IKZF2: variants seen among roughly 807,000 people sequenced by gnomAD.
IKZF2 encodes IKAROS family zinc finger 2, also known as zinc finger protein Helios.
In IKZF2, 15 loss-of-function variants were observed where a neutral mutation model predicts 49.2. The ratio of observed to expected loss-of-function variants is 0.30; its 90% CI spans 0.20 to 0.47. The LOEUF (loss-of-function observed/expected upper bound fraction) is 0.47. IKZF2 is among the 20% of genes least tolerant of loss of function. The pLI, the probability that IKZF2 is intolerant of heterozygous loss-of-function variation, is 1.00. For synonymous variants in IKZF2, 227 were observed against 221.4 expected (o/e 1.03, Z -0.23); for missense variants, 567 against 664.6 (o/e 0.85, Z 1.61).
chr2:213,029,993 G>C (rs1307889287), intron 6 of IKZF2, among the ~76,000 whole-genome samples: 4 of 152,040 alleles, frequency 2.6e-5, no homozygotes, highest in Non-Finnish European at 1.5e-5. Flanking sequence ...CCTTTCAAAT[G>C]ATCTATTTCA....
intron 5 of IKZF2, among the ~76,000 whole-genome samples, chr2:213,054,565 G>C (rs9288462): frequency 1.3e-5 from 2 of 151,958 alleles, no homozygotes; most frequent in African/African-American, 2.4e-5. Context: ...GAAATATGTT[G>C]AAGTGTCTAG....
intron 4 of IKZF2, among the ~76,000 whole-genome samples, chr2:213,133,155 T>A (rs2060528693): frequency 6.6e-6 from 1 of 152,226 alleles, no homozygotes; most frequent in Non-Finnish European, 1.5e-5. Context: ...GTAATTCAAC[T>A]TTTTTCTCAT....
chr2:213,060,240 A>G (rs951528561), intron 4 of IKZF2, among the ~76,000 whole-genome samples: 1 of 151,390 alleles, frequency 6.6e-6, no homozygotes, highest in African/African-American at 2.4e-5. Context: ...GATGTTTGCA[A>G]TTAATGTAGA....
intron 6 of IKZF2, among the ~76,000 whole-genome samples, chr2:213,036,371 A>G (rs1213341728): frequency 2.0e-5 from 3 of 152,190 alleles, no homozygotes; most frequent in Non-Finnish European, 2.9e-5. Context: ...CCTTAACATA[A>G]TGCTTGTCAC....
At chr2:213,082,660 T>A (rs2125579879) in intron 4 of IKZF2, among the ~76,000 whole-genome samples, 1 of 152,302 alleles carries the variant, frequency 6.6e-6, no homozygotes, top group South Asian at 2.1e-4. Context: ...TGAAGAAATA[T>A]TTAGATCATC....
intron 4 of IKZF2, among the ~76,000 whole-genome samples, chr2:213,075,232 C>G (rs1209104041): frequency 6.6e-6 from 1 of 152,080 alleles, no homozygotes; most frequent in Non-Finnish European, 1.5e-5. Context: ...GAAAAGTTTT[C>G]TAAAAGCTAA....
At chr2:213,021,961 A>G in intron 7 of IKZF2, 32 bp downstream of exon 7, 1 of 1,585,908 alleles carries the variant, frequency 6.3e-7, no homozygotes, top group South Asian at 1.2e-5. Flanking sequence ...CAGTAGGGGG[A>G]AATAAAAATG....
intron 6 of IKZF2, among the ~76,000 whole-genome samples, chr2:213,043,183 T>TGC (rs1553555802): frequency 3.4e-5 from 5 of 148,744 alleles, no homozygotes; most frequent in Non-Finnish European, 7.5e-5. Flanking sequence ...GTAAATGAAA[T>TGC]ACACACACAC....
At chr2:213,011,329 T>C (rs909107360) in intron 8 of IKZF2, among the ~76,000 whole-genome samples, 2 of 151,896 alleles carry the variant, frequency 1.3e-5, no homozygotes, top group Non-Finnish European at 1.5e-5. Context: ...TTGCATTAAA[T>C]GCTGATAGGA....
chr2:213,060,493 T>A (rs1049721951), intron 4 of IKZF2, among the ~76,000 whole-genome samples: 1 of 151,362 alleles, frequency 6.6e-6, no homozygotes, highest in Admixed American at 6.6e-5. Flanking sequence ...CACAAAGACA[T>A]CCTCATAAAT....
intron 4 of IKZF2, among the ~76,000 whole-genome samples, chr2:213,085,828 G>A (rs890509203): frequency 6.6e-6 from 1 of 152,060 alleles, no homozygotes; most frequent in Non-Finnish European, 1.5e-5. Context: ...CTCCTTTCTC[G>A]ATTATCCTTA....
At chr2:213,044,575 G>A (rs775284999) in intron 6 of IKZF2, among the ~76,000 whole-genome samples, 2 of 152,172 alleles carry the variant, frequency 1.3e-5, no homozygotes, top group Admixed American at 1.3e-4. Context: ...TACGACGCAG[G>A]GTAAGGCTTT....
intron 4 of IKZF2, among the ~76,000 whole-genome samples, chr2:213,117,922 A>G (rs11685033): frequency 6.6e-6 from 1 of 152,114 alleles, no homozygotes; most frequent in African/African-American, 2.4e-5. Context: ...CCTTCATTTT[A>G]TTTTTAAAGT....
chr2:213,050,503 T>C (rs1368456296), intron 5 of IKZF2, among the ~76,000 whole-genome samples: 1 of 152,176 alleles, frequency 6.6e-6, no homozygotes, highest in Non-Finnish European at 1.5e-5. Flanking sequence ...TGAACCAGCT[T>C]ACAAAGCTCA....
intron 4 of IKZF2, among the ~76,000 whole-genome samples, chr2:213,124,153 G>A (rs1021485370): frequency 3.3e-5 from 5 of 151,824 alleles, no homozygotes; most frequent in African/African-American, 1.2e-4. Context: ...TGACCTTTGG[G>A]GTCACTTTTA....
intron 6 of IKZF2, among the ~76,000 whole-genome samples, chr2:213,040,004 T>A (rs930429182): frequency 5.9e-5 from 9 of 152,128 alleles, no homozygotes; most frequent in African/African-American, 2.2e-4. Flanking sequence ...AGACAATGAA[T>A]AAATGTCTTT....
intron 6 of IKZF2, among the ~76,000 whole-genome samples, chr2:213,039,255 T>C (rs374225066): frequency 6.6e-6 from 1 of 152,198 alleles, no homozygotes; most frequent in East Asian, 1.9e-4. Flanking sequence ...TAAAAGTCAA[T>C]ATTAGGAACT....
At position 213,005,692 on chromosome 2, in the gene IKZF2, C is replaced by T. The variant is rs1176047642; in HGVS notation, c.*1668G>A. On this transcript the variant is annotated 3_prime_UTR_variant, in exon 9 of 9. Coordinates refer to ENST00000434687, the MANE Select transcript of IKZF2 (RefSeq NM_001387220.1). The stretch of plus-strand genomic sequence containing the variant: ...TAATCCAGTCACAGTCAGGTCTGTC[C>T]TCCCCAAACAGAAGCAGCAAGTTCT... 1 of 152,034 alleles carries T rather than the reference C, an allele frequency of 6.6e-6. No homozygotes were observed. The highest frequency in any genetic ancestry group is 6.6e-5 in the Admixed American group (1 of 15,216). The allele number at this position is 152,034 out of a possible 1,614,324, so 9.4% of individuals were successfully genotyped here.
intron 4 of IKZF2, among the ~76,000 whole-genome samples, chr2:213,081,717 T>C (rs976438685): frequency 1.3e-5 from 2 of 152,054 alleles, no homozygotes; most frequent in African/African-American, 4.8e-5. Context: ...GTACCAGTCA[T>C]GGGGAAAGTG....
Sources: gnomAD v4.1 joint callset for allele counts (sites outside exome capture counted in the v4.1 genomes callset) on GRCh38, gnomAD v4.1.1 for gene constraint, MANE v1.5 for transcripts, NCBI Gene and HGNC (gene_info 2026-07-23, HGNC 2026-07-21) for gene names.